Variants in ZSCAN18 observed in about 807,000 individuals in gnomAD.
The protein encoded by ZSCAN18 is zinc finger and SCAN domain containing 18.
Under a neutral mutation model 31.1 loss-of-function variants are expected in ZSCAN18, and 16 were observed. The ratio of observed to expected loss-of-function variants is 0.51; its 90% CI spans 0.35 to 0.78. The LOEUF (loss-of-function observed/expected upper bound fraction) is 0.78, where lower values mean the gene tolerates loss of function less well. ZSCAN18 is among the 30% of genes least tolerant of loss of function. The probability of loss-of-function intolerance (pLI) is 0.01; values close to 1 mark genes in which losing one functional copy is unlikely to be tolerated. For missense variants in ZSCAN18, 731 were observed against 697.4 expected, an observed-to-expected ratio of 1.05 and a Z score of -0.54; for synonymous variants, 375 against 320.7, an observed-to-expected ratio of 1.17 and a Z score of -1.81.
At chr19:58,109,810 A>T (rs2146025422) in intron 1 of ZSCAN18, among the ~76,000 whole-genome samples, 1 of 152,332 alleles carries the variant, frequency 6.6e-6, no homozygotes, top group Non-Finnish European at 1.5e-5. Flanking sequence ...TAAATTAGCC[A>T]GATTTTTAAA....
intron 5 of ZSCAN18, 194 bp from the exon 6 acceptor site, chr19:58,086,460 G>T (rs888908890): frequency 1.9e-6 from 1 of 529,736 alleles, no homozygotes; most frequent in Non-Finnish European, 3.3e-6. Flanking sequence ...GAAGGGCAAC[G>T]GGGCAGGCGG....
Position 58,085,073 on chromosome 19 carries a change from A to G in ZSCAN18, c.1145T>C (p.Leu382Pro). The G allele has an allele frequency of 7.5e-6, 12 of 1,602,506 alleles. No homozygotes were observed. Among genetic ancestry groups the G allele is most frequent in the Non-Finnish European group, 1.0e-5 (12 of 1,173,456 alleles). ...PHPEDGDGQS[L>P]EGVSSSGDSA... is the part of the protein sequence containing the mutation. ...GTCGCCGGAGCTAGAGACGCCCTCG[A>G]GGCTCTGCCCGTCCCCATCCTCGGG... Residue 382 changes from leucine (L) to proline (P), a missense_variant, in exon 7 of 7, where the codon CTC becomes CCC. Physicochemically the swap from Leu to Pro is moderately conservative, Grantham distance 98. This residue lies in a region of ZSCAN18 where 597 missense variants were observed against 499.5 expected (regional missense o/e 1.20). Transcript: ENST00000601144.
At chr19:58,117,769 A>G (rs978498065) in intron 1 of ZSCAN18, among the ~76,000 whole-genome samples, 60 of 143,404 alleles carry the variant, frequency 4.2e-4, no homozygotes, top group Admixed American at 6.9e-4. Flanking sequence ...GGGACAGGCG[A>G]AAAAAAAAAA....
intron 1 of ZSCAN18, among the ~76,000 whole-genome samples, chr19:58,110,526 C>T (rs1393663356): frequency 6.6e-6 from 1 of 152,206 alleles, no homozygotes; most frequent in African/African-American, 2.4e-5. Flanking sequence ...TGCTGCTTCT[C>T]CCTGAGTCTT....
chr19:58,115,352 T>C (rs574411336), intron 1 of ZSCAN18, among the ~76,000 whole-genome samples: 1 of 152,360 alleles, frequency 6.6e-6, no homozygotes, highest in South Asian at 2.1e-4. Flanking sequence ...ATTTAAATAT[T>C]TTATATTAAA....
chr19:58,105,947 C>G (rs372672287), intron 1 of ZSCAN18, among the ~76,000 whole-genome samples: 320 of 152,114 alleles, frequency 2.1e-3, no homozygotes, highest in African/African-American at 6.9e-3. Flanking sequence ...CCACTGCACT[C>G]TAGCCGAGGC....
intron 5 of ZSCAN18, chr19:58,086,576 G>C: frequency 4.3e-6 from 2 of 460,652 alleles, no homozygotes. Context: ...GGGCAAGAAC[G>C]TCTACAAAAG....
In ZSCAN18 at chr19:58,084,705, G is replaced by T; in HGVS notation, c.1513C>A (p.Pro505Thr). ...GCGGCTCACCTCTGCGCCTCTGGGG[G>T]TGCGGGGGGAGCCTCGCCCTCCACG... ...ESVEGEAPPAPPEAQR is the reference protein window; with the variant it reads ...ESVEGEAPPATPEAQR The change falls in exon 7 of 7, where the codon CCC (proline) becomes ACC (threonine). Residue 505 changes from proline (P) to threonine (T), a missense_variant. Coordinates refer to ENST00000601144, the MANE Select transcript of ZSCAN18 (RefSeq NM_001145543.2). The surrounding 1 kb of genome is among the most constrained non-coding windows in gnomAD (Gnocchi z 4.5). 1.3e-6 allele frequency: 2 copies of T among 1,503,456 alleles called. No individual in the cohort carries two copies. The highest frequency in any genetic ancestry group is 1.8e-6 in the Non-Finnish European group (2 of 1,136,560). The allele number at this position is 1,503,456 out of a possible 1,614,324, so 93.1% of individuals were successfully genotyped here.
chr19:58,096,629 G>A (rs1395169293), intron 1 of ZSCAN18, among the ~76,000 whole-genome samples: 1 of 152,168 alleles, frequency 6.6e-6, no homozygotes, highest in Non-Finnish European at 1.5e-5. Context: ...CTGGCCACCT[G>A]AGGAATATTC....
chr19:58,107,987 T>C (rs766675351), intron 1 of ZSCAN18: 335 of 1,044,196 alleles, frequency 3.2e-4, no homozygotes, highest in Non-Finnish European at 3.8e-4. Flanking sequence ...TCCTGAAAAG[T>C]TTGACACTGG....
Position 58,084,951 on chromosome 19 carries a change from C to T in ZSCAN18, c.1267G>A (p.Ala423Thr), listed in dbSNP as rs1363894487. ...TGCTCCATCAGGTGCGAGAGCCACGCGAAGGCCTCCCCGCACTCGCCGCAG... is the reference window on the plus strand; with the variant it reads ...TGCTCCATCAGGTGCGAGAGCCACGTGAAGGCCTCCCCGCACTCGCCGCAG... ...YACGECGEAF[A>T]WLSHLMEHHS... The change falls in exon 7 of 7, where the codon GCG becomes ACG. Residue 423 changes from alanine (A) to threonine (T), a missense_variant. Transcript: ENST00000601144. This position sits in a 1 kb window ranked among gnomAD's most constrained non-coding sequence, Gnocchi z 4.5. The T allele has an allele frequency of 6.3e-7, 1 of 1,598,506 alleles. No individual in the cohort carries two copies. The highest frequency in any genetic ancestry group is 2.3e-5 in the East Asian group (1 of 44,326).
chr19:58,098,248 C>T (rs1435401304), upstream of ZSCAN18: 2 of 985,408 alleles, frequency 2.0e-6, no homozygotes, highest in African/African-American at 1.7e-5. Flanking sequence ...CAAACTGCGC[C>T]TGCGCACTGG....
chr19:58,100,565 A>C (rs1322169057), upstream of ZSCAN18, among the ~76,000 whole-genome samples: 1 of 152,154 alleles, frequency 6.6e-6, no homozygotes, highest in Non-Finnish European at 1.5e-5. Context: ...TATTCCTATT[A>C]TTCACAAAAT....
chr19:58,084,708 C>CG lies in ZSCAN18; in HGVS notation c.1509dup (p.Ala504ArgfsTer52). On this transcript the variant is annotated frameshift_variant, in exon 7 of 7. Transcript: ENST00000601144. LOFTEE classifies it low-confidence loss of function (END_TRUNC). This position sits in a 1 kb window ranked among gnomAD's most constrained non-coding sequence, Gnocchi z 4.5. ...GCTCACCTCTGCGCCTCTGGGGGTG[C>CG]GGGGGGAGCCTCGCCCTCCACGCTC... 2 of 1,502,996 alleles carry CG rather than the reference C, an allele frequency of 1.3e-6. No homozygotes were observed. The highest frequency in any genetic ancestry group is 1.8e-6 in the Non-Finnish European group (2 of 1,136,284). 93.1% of individuals were successfully genotyped at this position (1,502,996 alleles called of 1,614,324 possible). A position where few individuals can be genotyped will look rare whatever the true frequency, so the allele number is the denominator to read the frequency against.
chr19:58,094,877 C>CAAAA (rs56377325), intron 1 of ZSCAN18, among the ~76,000 whole-genome samples: 1 of 35,274 alleles, frequency 2.8e-5, no homozygotes, highest in Non-Finnish European at 5.1e-5. Context: ...GACCCTGTCG[C>CAAAA]AAAAAAAAAA....
chr19:58,117,632 C>T (rs1336302980), intron 1 of ZSCAN18, among the ~76,000 whole-genome samples: 1 of 150,416 alleles, frequency 6.6e-6, no homozygotes, highest in African/African-American at 2.5e-5. Context: ...TGAGGAGAGG[C>T]AGAAGGGAGG....
chr19:58,106,998 C>T (rs990796420), intron 1 of ZSCAN18, among the ~76,000 whole-genome samples: 3 of 151,584 alleles, frequency 2.0e-5, no homozygotes, highest in African/African-American at 4.8e-5. Context: ...ATCCTGACCT[C>T]GTGATCTGCC....
intron 2 of ZSCAN18, among the ~76,000 whole-genome samples, 190 bp downstream of exon 2, chr19:58,089,675 C>T (rs191254775): frequency 6.6e-6 from 1 of 152,344 alleles, no homozygotes; most frequent in Admixed American, 6.5e-5. Flanking sequence ...GGTCCCTTTC[C>T]CTCATTCCTC....
upstream of ZSCAN18, among the ~76,000 whole-genome samples, chr19:58,101,245 G>T (rs2074591184): frequency 6.8e-6 from 1 of 148,010 alleles, no homozygotes; most frequent in Admixed American, 6.8e-5. Flanking sequence ...CCATTCTCCT[G>T]CCTCAGCCTC....
Sources: gnomAD v4.1 joint callset for allele counts (sites outside exome capture counted in the v4.1 genomes callset) on GRCh38, gnomAD v4.1.1 for gene constraint, gnomAD v4.1.1 regional missense constraint, Gnocchi (gnomAD v3.1) non-coding constraint, MANE v1.5 for transcripts, NCBI Gene and HGNC (gene_info 2026-07-23, HGNC 2026-07-21) for gene names.